Variants in HSD17B12 observed in about 807,000 individuals in gnomAD.
HSD17B12 encodes very-long-chain 3-oxoacyl-CoA reductase.
Under a neutral mutation model 39.3 loss-of-function variants are expected in HSD17B12, and 32 were observed. That is an observed-to-expected ratio of 0.81 (90% confidence interval 0.61 to 1.09). HSD17B12 has a LOEUF of 1.09. Ranked by LOEUF, HSD17B12 falls within the 50% of genes least tolerant of loss-of-function variation. The pLI is 0.00. For synonymous variants in HSD17B12, 150 were observed against 146.7 expected, an observed-to-expected ratio of 1.02 and a Z score of -0.16; for missense variants, 342 against 382.9, an observed-to-expected ratio of 0.89 and a Z score of 0.89.
At chr11:43,819,506 G>C (rs1231322881) in intron 6 of HSD17B12, among the ~76,000 whole-genome samples, 1 of 152,140 alleles carries the variant, frequency 6.6e-6, no homozygotes, top group African/African-American at 2.4e-5. Flanking sequence ...GGATAAAACA[G>C]CACAAATCGA....
intron 1 of HSD17B12, among the ~76,000 whole-genome samples, chr11:43,742,744 G>GTT (rs547769716): frequency 9.7e-4 from 145 of 150,160 alleles, no homozygotes; most frequent in African/African-American, 3.4e-3. Flanking sequence ...AGGATTTCCA[G>GTT]TTTTTTTGTG....
chr11:43,814,268 G>A (rs1017375050), intron 4 of HSD17B12, among the ~76,000 whole-genome samples: 3 of 151,794 alleles, frequency 2.0e-5, no homozygotes, highest in South Asian at 2.1e-4. Flanking sequence ...TTTGAATCCC[G>A]GCATACTTTG....
intron 4 of HSD17B12, among the ~76,000 whole-genome samples, chr11:43,802,218 C>T (rs972332032): frequency 6.6e-6 from 1 of 151,966 alleles, no homozygotes; most frequent in Admixed American, 6.6e-5. Flanking sequence ...GATCTCCTGA[C>T]CTCATGATCT....
chr11:43,767,692 T>C (rs1274313820), intron 3 of HSD17B12, among the ~76,000 whole-genome samples: 2 of 152,208 alleles, frequency 1.3e-5, no homozygotes, highest in Non-Finnish European at 2.9e-5. Flanking sequence ...TTAACACCAA[T>C]AGGAATTTTC....
In HSD17B12 at chr11:43,715,672, A is replaced by G. The variant is rs991851577; in HGVS notation, c.160+34685A>G. Among the ~76,000 whole-genome samples the G allele has an allele frequency of 4.6e-5, 7 of 151,958 alleles. No homozygotes were observed. The East Asian group carries it at 5.8e-4, about 13-fold the overall frequency. On this transcript the variant is annotated intron_variant, in intron 1 of 10. Transcript: ENST00000278353. Reference sequence around the variant, plus strand: ...GTTAGGGAGGATTTCCTCTTTTTCTATTGATTGGAATAGTTTCAGAAGGAA... The same window carrying G: ...GTTAGGGAGGATTTCCTCTTTTTCTGTTGATTGGAATAGTTTCAGAAGGAA...
At chr11:43,612,673 T>G in the HSD17B12 span, among the ~76,000 whole-genome samples, 1 of 152,168 alleles carries the variant, frequency 6.6e-6, no homozygotes, top group Non-Finnish European at 1.5e-5. Context: ...CCCAAAGTGC[T>G]GAGATTACAG....
At chr11:43,680,601 A>T (rs1365280696), upstream of HSD17B12, 2 of 550,448 alleles carry the variant, frequency 3.6e-6, no homozygotes, top group African/African-American at 3.9e-5. Context: ...GGAGTGTGGG[A>T]GGGGCAGTGG....
chr11:43,678,357 C>T (rs1590650682), upstream of HSD17B12, among the ~76,000 whole-genome samples: 1 of 152,124 alleles, frequency 6.6e-6, no homozygotes, highest in Non-Finnish European at 1.5e-5. Flanking sequence ...GAGTAGATTG[C>T]AAAAATTTTC....
At chr11:43,637,781 G>A in the HSD17B12 span, among the ~76,000 whole-genome samples, 2 of 152,200 alleles carry the variant, frequency 1.3e-5, no homozygotes, top group African/African-American at 4.8e-5. Flanking sequence ...GAGCTAGGAA[G>A]GTGCATGTAT....
At chr11:43,730,071 A>G (rs1950255073) in intron 1 of HSD17B12, among the ~76,000 whole-genome samples, 1 of 151,860 alleles carries the variant, frequency 6.6e-6, no homozygotes, top group Non-Finnish European at 1.5e-5. Context: ...AAGATAAGAG[A>G]AGTCATTACT....
chr11:43,818,205 G>A (rs1455526610), intron 6 of HSD17B12, among the ~76,000 whole-genome samples: 1 of 152,090 alleles, frequency 6.6e-6, no homozygotes, highest in African/African-American at 2.4e-5. Flanking sequence ...ATTCTTTTCA[G>A]TTGAGGAACT....
chr11:43,620,736 T>C, the HSD17B12 span, among the ~76,000 whole-genome samples: 2 of 152,238 alleles, frequency 1.3e-5, no homozygotes, highest in African/African-American at 2.4e-5. Context: ...TTATTTTACA[T>C]TGATTGCGTA....
the HSD17B12 span, among the ~76,000 whole-genome samples, chr11:43,585,978 A>G: frequency 3.2e-4 from 48 of 152,238 alleles, no homozygotes; most frequent in Non-Finnish European, 5.4e-4. Context: ...ACTATAGAGT[A>G]TATTCAGAGA....
chr11:43,757,716 CA>C (rs141525576), intron 3 of HSD17B12, among the ~76,000 whole-genome samples: 1 of 130,070 alleles, frequency 7.7e-6, no homozygotes, highest in African/African-American at 2.8e-5. Flanking sequence ...AAAGCACACA[CA>C]AAAAAAACAG....
Position 43,692,707 on chromosome 11 carries a change from G to A in HSD17B12, c.160+11720G>A, listed in dbSNP as rs945492039. On this transcript the variant is annotated intron_variant, in intron 1 of 10. Transcript: ENST00000278353. ...CGTGAAAAATTAAATTCTAGAGTGT[G>A]TTGACCAAAATGTAGTTTTTAATTT... 2.6e-5 allele frequency among the ~76,000 whole-genome samples: 4 copies of A among 152,296 alleles called. No homozygotes were observed. The East Asian group carries it at 7.7e-4, about 29-fold the overall frequency.
the HSD17B12 span, among the ~76,000 whole-genome samples, chr11:43,595,739 A>G: frequency 6.6e-6 from 1 of 152,236 alleles, no homozygotes. Flanking sequence ...GAATAAACGA[A>G]AAATAATTCT....
chr11:43,668,854 T>TA, the HSD17B12 span, among the ~76,000 whole-genome samples: 33 of 149,596 alleles, frequency 2.2e-4, no homozygotes, highest in East Asian at 1.2e-3. Context: ...TCCAGCTAAT[T>TA]AAAAAAAAAA....
intron 10 of HSD17B12, 29 bp downstream of exon 10, chr11:43,854,893 A>G (rs1951567867): frequency 6.2e-7 from 1 of 1,609,706 alleles, no homozygotes; most frequent in Non-Finnish European, 8.5e-7. Flanking sequence ...TCACAAATCA[A>G]TACTTTCTGG....
intron 6 of HSD17B12, among the ~76,000 whole-genome samples, chr11:43,817,752 G>A (rs1951144058): frequency 6.6e-6 from 1 of 152,098 alleles, no homozygotes; most frequent in Admixed American, 6.6e-5. Context: ...TGGCGTTATA[G>A]TGTAGTTTGA....
Sources: allele counts gnomAD v4.1 joint callset (sites outside exome capture counted in the v4.1 genomes callset), GRCh38; gene constraint gnomAD v4.1.1; transcripts MANE v1.5; gene names NCBI Gene and HGNC (gene_info 2026-07-23, HGNC 2026-07-21).